LRRC4C: variants seen among roughly 807,000 people sequenced by gnomAD.
LRRC4C encodes the protein leucine rich repeat containing 4C.
LRRC4C carries 5 observed loss-of-function variants against 33.6 expected under a neutral mutation model. The ratio of observed to expected loss-of-function variants is 0.15; its 90% CI spans 0.08 to 0.31. LRRC4C has a LOEUF of 0.31. Ranked by LOEUF, LRRC4C falls within the 10% of genes least tolerant of loss-of-function variation. LRRC4C has a pLI of 1.00. For synonymous variants in LRRC4C, 329 were observed against 302.0 expected, an observed-to-expected ratio of 1.09 and a Z score of -0.93; for missense variants, 560 against 796.7, an observed-to-expected ratio of 0.70 and a Z score of 3.58.
intron 1 of LRRC4C, among the ~76,000 whole-genome samples, chr11:41,226,741 T>TACACACACACACACACACACACAC (rs59285418): frequency 2.9e-5 from 4 of 137,082 alleles, no homozygotes; most frequent in African/African-American, 8.4e-5. Context: ...TCCTTACCAT[T>TACACACACACACACACACACACAC]ACACACACAC....
intron 3 of LRRC4C, among the ~76,000 whole-genome samples, chr11:40,328,446 T>A (rs1438395716): frequency 6.6e-6 from 1 of 152,174 alleles, no homozygotes; most frequent in Non-Finnish European, 1.5e-5. Flanking sequence ...TTCCACACAT[T>A]GTGTGTTTTT....
intron 1 of LRRC4C, among the ~76,000 whole-genome samples, chr11:41,441,310 G>A (rs531277212): frequency 6.6e-6 from 1 of 152,190 alleles, no homozygotes; most frequent in Admixed American, 6.5e-5. Context: ...AAGGTGGAAG[G>A]TAGAGGCAAA....
At chr11:40,972,439 T>C (rs1335394548) in intron 1 of LRRC4C, among the ~76,000 whole-genome samples, 2 of 152,064 alleles carry the variant, frequency 1.3e-5, no homozygotes, top group Non-Finnish European at 2.9e-5. Context: ...ACCAAGCCTA[T>C]GTTTTAGAAT....
At chr11:40,932,096 A>T (rs1023940973) in intron 2 of LRRC4C, among the ~76,000 whole-genome samples, 3 of 152,146 alleles carry the variant, frequency 2.0e-5, no homozygotes, top group African/African-American at 7.2e-5. Context: ...ATGATATGGG[A>T]TATAAAAGAG....
intron 3 of LRRC4C, among the ~76,000 whole-genome samples, chr11:40,400,030 T>G (rs1410818466): frequency 6.6e-6 from 1 of 152,070 alleles, no homozygotes; most frequent in African/African-American, 2.4e-5. Flanking sequence ...AAGGAATCAT[T>G]TATAATTGTG....
intron 3 of LRRC4C, among the ~76,000 whole-genome samples, chr11:40,623,461 G>C (rs1411884917): frequency 6.6e-6 from 1 of 151,638 alleles, no homozygotes; most frequent in Admixed American, 6.6e-5. Context: ...TAATTTTTTG[G>C]TTCATACTCA....
chr11:41,000,051 A>G lies in LRRC4C; in HGVS notation c.-495-66328T>C, dbSNP rs529766773. Among the ~76,000 whole-genome samples, 326 of 152,260 alleles carry G rather than the reference A, an allele frequency of 2.1e-3. 1 individual carries two copies. Among genetic ancestry groups the G allele is most frequent in the Non-Finnish European group, 3.5e-3 (241 of 68,014 alleles). ...TATGGAACAGAAAAGAGAAGGTTGT[A>G]AAAAACCTTGCATGCTAAAGAAAAA... On this transcript the variant is annotated intron_variant, in intron 1 of 6. Coordinates refer to ENST00000528697, the MANE Select transcript of LRRC4C (RefSeq NM_001258419.2).
chr11:41,400,847 G>C (rs1487124401), intron 1 of LRRC4C, among the ~76,000 whole-genome samples: 1 of 151,852 alleles, frequency 6.6e-6, no homozygotes, highest in African/African-American at 2.4e-5. Context: ...AAGGTTTAAT[G>C]ACACTTGAAA....
At chr11:40,984,417 G>C (rs1419538776) in intron 1 of LRRC4C, among the ~76,000 whole-genome samples, 1 of 109,076 alleles carries the variant, frequency 9.2e-6, no homozygotes, top group Non-Finnish European at 2.1e-5. Flanking sequence ...GAAAGAAAGA[G>C]AAAGAAAGAA....
chr11:40,474,827 G>GA (rs954142468), intron 3 of LRRC4C, among the ~76,000 whole-genome samples: 23 of 152,154 alleles, frequency 1.5e-4, no homozygotes, highest in Admixed American at 1.2e-3. Context: ...ACAAACATAT[G>GA]AAAAAAAGCT....
intron 3 of LRRC4C, among the ~76,000 whole-genome samples, chr11:40,627,604 T>C (rs1963075795): frequency 6.6e-6 from 1 of 152,160 alleles, no homozygotes. Context: ...GATACTAATG[T>C]CTTCTTCCAG....
intron 1 of LRRC4C, among the ~76,000 whole-genome samples, chr11:41,071,815 G>T (rs1280897255): frequency 6.6e-6 from 1 of 152,140 alleles, no homozygotes; most frequent in Non-Finnish European, 1.5e-5. Context: ...CTCTATTCTA[G>T]ATACCATGAT....
At chr11:41,019,794 A>AT (rs1216335487) in intron 1 of LRRC4C, among the ~76,000 whole-genome samples, 3 of 151,694 alleles carry the variant, frequency 2.0e-5, no homozygotes, top group Non-Finnish European at 2.9e-5. Flanking sequence ...TTTTTTCCAC[A>AT]TTTTTTTGGC....
chr11:40,939,887 G>T (rs112492367), intron 1 of LRRC4C, among the ~76,000 whole-genome samples: 2 of 152,066 alleles, frequency 1.3e-5, no homozygotes, highest in African/African-American at 4.8e-5. Context: ...TGATGACAGG[G>T]GTTTGTTTAC....
intron 1 of LRRC4C, among the ~76,000 whole-genome samples, chr11:41,330,337 T>C (rs1951253514): frequency 6.6e-6 from 1 of 152,198 alleles, no homozygotes; most frequent in Admixed American, 6.5e-5. Context: ...TGTTTTGTTT[T>C]GTTTTAATTA....
At chr11:40,317,535 C>T (rs1945634597) in intron 4 of LRRC4C, among the ~76,000 whole-genome samples, 1 of 152,042 alleles carries the variant, frequency 6.6e-6, no homozygotes, top group Admixed American at 6.6e-5. Context: ...GCCATGCAGG[C>T]AAGTTTCTCA....
chr11:40,210,261 A>C (rs1211538364), intron 5 of LRRC4C, among the ~76,000 whole-genome samples: 1 of 151,888 alleles, frequency 6.6e-6, no homozygotes, highest in Admixed American at 6.5e-5. Context: ...TCAAAAAAAA[A>C]ACAAAAAACA....
intron 4 of LRRC4C, among the ~76,000 whole-genome samples, chr11:40,264,241 G>T (rs548883398): frequency 1.3e-5 from 2 of 152,196 alleles, no homozygotes; most frequent in South Asian, 2.1e-4. Context: ...AGGAAGAAAC[G>T]CTACCTCCAG....
rs1013993134 is a variant in LRRC4C at position 40,142,303 on chromosome 11, A to C, written c.-95-1450T>G. Among the ~76,000 whole-genome samples the C allele has an allele frequency of 1.2e-4, 15 of 122,600 alleles. No individual in the cohort carries two copies. The East Asian group carries it at 1.3e-3, about 11-fold the overall frequency. The allele number at this position is 122,600 out of a possible 152,430, so 80.4% of individuals were successfully genotyped here. ...AAAAAAAAAAAAAAAAAAAAAAAAA[A>C]ACCTCGATTTTATAAAATGTTTTCC... is the stretch of plus-strand genomic sequence containing the variant. On this transcript the variant is annotated intron_variant, in intron 5 of 6. Coordinates refer to ENST00000528697, the MANE Select transcript of LRRC4C (RefSeq NM_001258419.2).
Sources: gnomAD v4.1 joint callset for allele counts (sites outside exome capture counted in the v4.1 genomes callset) on GRCh38, gnomAD v4.1.1 for gene constraint, MANE v1.5 for transcripts, NCBI Gene and HGNC (gene_info 2026-07-23, HGNC 2026-07-21) for gene names.